Variants in INF2 observed in about 807,000 individuals in gnomAD.
The protein encoded by INF2 is inverted formin-2.
A neutral mutation model predicts 123.5 loss-of-function variants in INF2; 43 were observed. That is an observed-to-expected ratio of 0.35 (90% CI 0.27 to 0.45). The LOEUF (loss-of-function observed/expected upper bound fraction) is 0.45. Ranked by LOEUF, INF2 falls within the 20% of genes least tolerant of loss-of-function variation. The pLI is 1.00. For missense variants in INF2, 1,453 were observed against 1,682.7 expected (o/e 0.86, Z 2.39); for synonymous variants, 851 against 745.0 (o/e 1.14, Z -2.32).
chr14:104,711,537 G>C (rs1360837299), intron 15 of INF2, 92 bp from the exon 16 acceptor site: 3 of 1,155,624 alleles, frequency 2.6e-6, no homozygotes, highest in Admixed American at 3.5e-5. Context: ...GACCTTAATT[G>C]CTAAGGGTTA....
chr14:104,694,794 G>A (rs1023509741), intron 1 of INF2, among the ~76,000 whole-genome samples: 1 of 152,162 alleles, frequency 6.6e-6, no homozygotes, highest in Non-Finnish European at 1.5e-5. Context: ...TGCTAGCGGG[G>A]ATGTAGGCTG....
In INF2 at chr14:104,707,648, C is replaced by A; in HGVS notation, c.1381C>A (p.Pro461Thr). The A allele has an allele frequency of 2.1e-6, 2 of 974,964 alleles. No homozygotes were observed. Among genetic ancestry groups the A allele is most frequent in the Non-Finnish European group, 3.0e-6 (2 of 657,284 alleles). The allele number at this position is 974,964 out of a possible 1,614,324, so 60.4% of individuals were successfully genotyped here. A position where few individuals can be genotyped will look rare whatever the true frequency, so the allele number is the denominator to read the frequency against. Residue 461 changes from proline to threonine, a missense_variant, in exon 8 of 23, where the codon CCA (proline) becomes ACA (threonine). Pro to Thr is a conservative substitution (Grantham distance 38). Coordinates refer to ENST00000392634, the MANE Select transcript of INF2 (RefSeq NM_022489.4). The stretch of plus-strand genomic sequence containing the variant: ...GGCCCTCCCAACAGCACCCCCGCCC[C>A]CACCCCTGCCAGGCCTGGGGGCCAT... The part of the protein sequence containing the change: ...AKALPTAPPP[P>T]PLPGLGAMAP...
At chr14:104,708,631 C>A (rs768389292) in intron 9 of INF2, 40 bp from the exon 10 acceptor site, 1 of 1,612,720 alleles carries the variant, frequency 6.2e-7, no homozygotes, top group East Asian at 2.2e-5. Flanking sequence ...CCTGCCTGGC[C>A]ACCCTCCGGT....
At chr14:104,718,601 C>T (rs890702694) in intron 22 of INF2, among the ~76,000 whole-genome samples, 194 bp from the exon 23 acceptor site, 4 of 152,148 alleles carry the variant, frequency 2.6e-5, no homozygotes, top group South Asian at 2.1e-4. Context: ...CAGGCCAGCC[C>T]GGCACCTTCC....
At chr14:104,683,161 AG>A (rs1277010320) in intron 1 of INF2, among the ~76,000 whole-genome samples, 4 of 27,816 alleles carry the variant, frequency 1.4e-4, no homozygotes, top group Non-Finnish European at 2.3e-4. Flanking sequence ...GACCTGGGGG[AG>A]GGGTCTGCGG....
exon 1 of INF2, chr14:104,681,268 C>T (rs1595143574): frequency 2.8e-6 from 1 of 363,554 alleles, no homozygotes; most frequent in Admixed American, 3.4e-5. Flanking sequence ...TAATAGGGGC[C>T]TCATCAATGC....
At chr14:104,688,216 C>T (rs1267974142), upstream of INF2, among the ~76,000 whole-genome samples, 1 of 152,262 alleles carries the variant, frequency 6.6e-6, no homozygotes, top group Non-Finnish European at 1.5e-5. Flanking sequence ...TCCTCAGGCA[C>T]ACCCGGGGCT....
intron 1 of INF2, among the ~76,000 whole-genome samples, chr14:104,695,571 C>T (rs1196376264): frequency 9.0e-6 from 1 of 110,884 alleles, no homozygotes. Context: ...GCCTGGGCTG[C>T]GCTTGCCGAC....
chr14:104,716,849 C>A (rs1048602672), intron 22 of INF2, among the ~76,000 whole-genome samples: 2 of 152,316 alleles, frequency 1.3e-5, no homozygotes, highest in Non-Finnish European at 1.5e-5. Flanking sequence ...CGCCACCACG[C>A]GCGGCTAATT....
At chr14:104,702,269 G>A (rs1378976184) in intron 2 of INF2, among the ~76,000 whole-genome samples, 1 of 152,154 alleles carries the variant, frequency 6.6e-6, no homozygotes, top group African/African-American at 2.4e-5. Context: ...TCCCCGCCCT[G>A]TCCCCTACTC....
In INF2 at chr14:104,707,505, C is replaced by T. The variant is rs2140667786; in HGVS notation, c.1238C>T (p.Ala413Val). 5.2e-6 allele frequency: 8 copies of T among 1,548,050 alleles called. No individual in the cohort carries two copies. The highest frequency in any genetic ancestry group is 4.1e-5 in the African/African-American group (3 of 72,968). The change falls in exon 8 of 23, where the codon GCC (alanine) becomes GTC (valine). Residue 413 changes from alanine (A) to valine (V), a missense_variant. Transcript: ENST00000392634. The stretch of plus-strand genomic sequence containing the variant: ...ATCCTGAAAGTTTCGCAGCCCAGAG[C>T]CCTGGAGCAGCAGGCGTCCACCCCA... ...ESILKVSQPR[A>V]LEQQASTPPP...
chr14:104,713,326 T>A lies in INF2; in HGVS notation c.2878+17T>A. The A allele has an allele frequency of 1.2e-5, 19 of 1,550,792 alleles. No homozygotes were observed. The highest frequency in any genetic ancestry group is 1.7e-5 in the Non-Finnish European group (19 of 1,147,732). On this transcript the variant is annotated intron_variant, in intron 19 of 22. Coordinates refer to ENST00000392634, the MANE Select transcript of INF2 (RefSeq NM_022489.4). ...GGAAGCCTGGTGAGGCTGGGCCGGC[T>A]GGGCGGGGAGGGGGTGACTCTGGGA...
Position 104,707,494 on chromosome 14 carries a change from G to A in INF2, c.1227G>A (p.Ser409=), listed in dbSNP as rs3809455. 7.1e-6 allele frequency: 11 copies of A among 1,548,586 alleles called. No individual in the cohort carries two copies. The highest frequency in any genetic ancestry group is 2.4e-5 in the East Asian group (1 of 40,830). Residue 409 remains serine (S), a synonymous_variant, in exon 8 of 23, where the codon TCG becomes TCA. Coordinates refer to ENST00000392634, the MANE Select transcript of INF2 (RefSeq NM_022489.4). The part of the protein sequence containing the change: ...HAQSESILKV[S]QPRALEQQAS... ...AGAGTGAGAGCATCCTGAAAGTTTCGCAGCCCAGAGCCCTGGAGCAGCAGG... is the reference window on the plus strand; with the variant it reads ...AGAGTGAGAGCATCCTGAAAGTTTCACAGCCCAGAGCCCTGGAGCAGCAGG...
In INF2 at chr14:104,699,532, G is replaced by C. The variant is rs972014597; in HGVS notation, c.-9-1825G>C. ...CAGCGATGAGAAGCCAGGGGAGCGT[G>C]AGGAGCAGCCCAGGACAGGGCCCAG... is the stretch of plus-strand genomic sequence containing the variant. On this transcript the variant is annotated intron_variant, in intron 1 of 22. Transcript: ENST00000392634. This position sits in a 1 kb window ranked among gnomAD's most constrained non-coding sequence, Gnocchi z 4.7. 7 of 985,180 alleles carry C rather than the reference G, an allele frequency of 7.1e-6. No homozygotes were observed. The highest frequency in any genetic ancestry group is 6.0e-6 in the Non-Finnish European group (5 of 829,892). The allele number at this position is 985,180 out of a possible 1,614,324, so 61.0% of individuals were successfully genotyped here.
chr14:104,688,721 C>G (rs980417575), upstream of INF2, among the ~76,000 whole-genome samples: 1 of 152,212 alleles, frequency 6.6e-6, no homozygotes, highest in Non-Finnish European at 1.5e-5. Context: ...CCCAGGCCTG[C>G]CTTCCTCTGC....
chr14:104,683,723 A>G (rs1469319240), intron 1 of INF2, among the ~76,000 whole-genome samples: 1 of 151,652 alleles, frequency 6.6e-6, no homozygotes, highest in East Asian at 1.9e-4. Context: ...GTGGCCAAAA[A>G]TCACCTGCAA....
chr14:104,707,366 A>G lies in INF2; in HGVS notation c.1099A>G (p.Ser367Gly). The change falls in exon 8 of 23, where the codon AGC (serine) becomes GGC (glycine). Residue 367 changes from serine to glycine, a missense_variant. Ser to Gly is a moderately conservative substitution (Grantham distance 56, BLOSUM62 0). Around this residue, in one of 8 missense-constraint regions of INF2, gnomAD observed 374 missense variants for 303.7 expected, o/e 1.23. Coordinates refer to ENST00000392634, the MANE Select transcript of INF2 (RefSeq NM_022489.4). ...HKSVQANLDQ[S>G]QRGSSPQNTT... ...AAGCGTCCAGGCCAACCTAGACCAG[A>G]GCCAGAGGGGCAGCTCCCCGCAAAA... 1 of 1,596,822 alleles carries G rather than the reference A, an allele frequency of 6.3e-7. No individual in the cohort carries two copies. The highest frequency in any genetic ancestry group is 8.5e-7 in the Non-Finnish European group (1 of 1,172,744).
chr14:104,701,830 C>A, intron 2 of INF2, 74 bp downstream of exon 2: 1 of 1,414,990 alleles, frequency 7.1e-7, no homozygotes, highest in Non-Finnish European at 9.3e-7. Context: ...CCAAAAGGCC[C>A]CGGGAGGCCT....
intron 7 of INF2, 37 bp downstream of exon 7, chr14:104,707,088 T>C (rs1889814155): frequency 6.4e-7 from 1 of 1,553,388 alleles, no homozygotes; most frequent in Non-Finnish European, 8.7e-7. Flanking sequence ...CACAGCCTGG[T>C]GGGCAGACAC....
Sources: allele counts gnomAD v4.1 joint callset (sites outside exome capture counted in the v4.1 genomes callset), GRCh38; gene constraint gnomAD v4.1.1; regional missense constraint gnomAD v4.1.1; non-coding constraint Gnocchi (gnomAD v3.1); transcripts MANE v1.5; gene names NCBI Gene and HGNC (gene_info 2026-07-23, HGNC 2026-07-21).